Variants in BBS2 observed in about 807,000 individuals in gnomAD.
BBS2 encodes the protein BBSome complex member BBS2.
Under a neutral mutation model 83.0 loss-of-function variants are expected in BBS2, and 62 were observed. The observed-to-expected ratio is 0.75, with a 90% confidence interval of 0.61 to 0.92. BBS2 has a LOEUF of 0.92. Ranked by LOEUF, BBS2 falls within the 40% of genes least tolerant of loss-of-function variation. The pLI, the probability that BBS2 is intolerant of heterozygous loss-of-function variation, is 0.00. For missense variants in BBS2, 784 were observed against 901.0 expected (o/e 0.87, Z 1.66); for synonymous variants, 303 against 326.1 (o/e 0.93, Z 0.76).
chr16:56,499,208 C>T, intron 12 of BBS2: 1 of 174,344 alleles, frequency 5.7e-6, no homozygotes, highest in Middle Eastern at 2.9e-3. Context: ...AAAGTCCCAC[C>T]AAGAATTCCA....
At chr16:56,505,450 C>T (rs1480839702) in intron 7 of BBS2, among the ~76,000 whole-genome samples, 1 of 152,150 alleles carries the variant, frequency 6.6e-6, no homozygotes, top group Non-Finnish European at 1.5e-5. Flanking sequence ...GAAGACAATC[C>T]TGACTTGCCA....
chr16:56,492,005 C>A (rs1244031686), intron 15 of BBS2, among the ~76,000 whole-genome samples: 6 of 150,790 alleles, frequency 4.0e-5, no homozygotes, highest in African/African-American at 7.3e-5. Flanking sequence ...AATGGTGCAG[C>A]CACTATGGAA....
At chr16:56,479,779 C>A (rs1277612535), downstream of BBS2, among the ~76,000 whole-genome samples, 6 of 152,236 alleles carry the variant, frequency 3.9e-5, no homozygotes, top group African/African-American at 1.4e-4. Flanking sequence ...GGCCTGCAAC[C>A]GCTCCACCTT....
downstream of BBS2, among the ~76,000 whole-genome samples, chr16:56,481,896 T>C (rs1324339982): frequency 1.3e-5 from 2 of 152,200 alleles, no homozygotes; most frequent in African/African-American, 4.8e-5. Flanking sequence ...ACACCAGGGC[T>C]TACCCAGCTG....
At position 56,500,879 on chromosome 16, in the gene BBS2, TC is replaced by T. The variant is rs2144143132; in HGVS notation, c.1371del (p.Lys458ArgfsTer29). On this transcript the variant is annotated frameshift_variant, in exon 11 of 17. Transcript: ENST00000245157. LOFTEE classifies it high-confidence loss of function. ...PPKDVPVDLH[L>X]KAFVGYRSST... is the part of the protein sequence containing the mutation. Reference sequence around the variant, plus strand: ...CTGCTTCTGTAACCCACGAATGCCTTCAAGTGCAGATCCACAGGGACATCTT... The same window carrying T: ...CTGCTTCTGTAACCCACGAATGCCTTAAGTGCAGATCCACAGGGACATCTT... The T allele has an allele frequency of 6.2e-7, 1 of 1,614,116 alleles. No homozygotes were observed. Among genetic ancestry groups the T allele is most frequent in the Non-Finnish European group, 8.5e-7 (1 of 1,180,000 alleles).
chr16:56,482,140 C>T (rs1963672842), downstream of BBS2, among the ~76,000 whole-genome samples: 1 of 152,128 alleles, frequency 6.6e-6, no homozygotes. Flanking sequence ...TGTTATTAGA[C>T]TCCCTAAAAA....
intron 10 of BBS2, 103 bp from the exon 11 acceptor site, chr16:56,501,128 G>A (rs1168807223): frequency 3.6e-6 from 5 of 1,403,180 alleles, no homozygotes; most frequent in South Asian, 1.2e-5. Context: ...GGCTAACACG[G>A]TGAAACCCTA....
At chr16:56,509,757 G>A (rs1379193823) in intron 5 of BBS2, 200 bp downstream of exon 5, 9 of 563,656 alleles carry the variant, frequency 1.6e-5, no homozygotes, top group Non-Finnish European at 2.9e-5. Context: ...TATTTAATCA[G>A]TCTTTTCAAA....
chr16:56,519,203 C>T (rs574351540), intron 1 of BBS2, among the ~76,000 whole-genome samples: 1 of 151,748 alleles, frequency 6.6e-6, no homozygotes, highest in African/African-American at 2.4e-5. Context: ...TGGTGGCGGG[C>T]GCCTGTAATC....
chr16:56,485,942 G>A (rs1349469056), intron 15 of BBS2, among the ~76,000 whole-genome samples: 3 of 152,120 alleles, frequency 2.0e-5, no homozygotes, highest in East Asian at 3.8e-4. Context: ...CAGAAGACAA[G>A]TGGCCTTCCT....
In BBS2 at chr16:56,495,570, G is replaced by A. The variant is rs1291053573; in HGVS notation, c.1910+1397C>T. ...AAAAGTGTGGATTAAAAGATTAAAC[G>A]ATTTCCAACCAAATCCAATGTATGG... On this transcript the variant is annotated intron_variant, in intron 15 of 16. Transcript: ENST00000245157. Among the ~76,000 whole-genome samples the A allele has an allele frequency of 7.2e-5, 11 of 152,252 alleles. No homozygotes were observed. The South Asian group carries it at 1.9e-3, about 26-fold the overall frequency.
chr16:56,493,485 G>A (rs1964023284), intron 15 of BBS2, among the ~76,000 whole-genome samples: 1 of 150,618 alleles, frequency 6.6e-6, no homozygotes, highest in African/African-American at 2.4e-5. Flanking sequence ...GTATATATCT[G>A]TGTGTATCTG....
At position 56,501,971 on chromosome 16, in the gene BBS2, T is replaced by C. The variant is rs968911230; in HGVS notation, c.1080+346A>G. ...TTTTGTCACTTGGTAAGACGACAGA[T>C]ATCCTTCCATATCAGTCCAAGTATT... On this transcript the variant is annotated intron_variant, in intron 9 of 16. Transcript: ENST00000245157. 2.1e-5 allele frequency: 8 copies of C among 388,956 alleles called. No individual in the cohort carries two copies. The Admixed American group carries it at 3.1e-4, about 15-fold the overall frequency. The allele number at this position is 388,956 out of a possible 1,614,324, so 24.1% of individuals were successfully genotyped here.
At position 56,500,976 on chromosome 16, in the gene BBS2, A is replaced by T; in HGVS notation, c.1275T>A (p.Gly425=). 1 of 1,614,170 alleles carries T rather than the reference A, an allele frequency of 6.2e-7. No homozygotes were observed. ...TGCTGGGATGTACCACGTGGCTTTC[A>T]CCTGTAAAAATTCCTTCTGCAAAAA... The part of the protein sequence containing the change: ...VLIFAEGIFT[G]ESHVVHPSIH... The change falls in exon 11 of 17, where the codon GGT becomes GGA. Residue 425 remains glycine (G), a synonymous_variant. Transcript: ENST00000245157.
chr16:56,487,948 G>C (rs748215218), intron 15 of BBS2, among the ~76,000 whole-genome samples: 1 of 152,166 alleles, frequency 6.6e-6, no homozygotes, highest in Non-Finnish European at 1.5e-5. Flanking sequence ...ACTGTTTAAC[G>C]GGTACAGAGT....
At chr16:56,491,058 G>T (rs1343421525) in intron 15 of BBS2, among the ~76,000 whole-genome samples, 1 of 152,128 alleles carries the variant, frequency 6.6e-6, no homozygotes, top group Non-Finnish European at 1.5e-5. Context: ...ACCGCGCCTG[G>T]CCCATTAAAG....
chr16:56,477,208 G>C (rs1469802845), intron 17 of BBS2: 1 of 152,134 alleles, frequency 6.6e-6, no homozygotes, highest in Admixed American at 6.5e-5. Flanking sequence ...GAAAATTATG[G>C]AGCCTTACAT....
intron 11 of BBS2, 149 bp from the exon 12 acceptor site, chr16:56,500,056 A>G (rs1964220683): frequency 3.6e-6 from 3 of 831,322 alleles, no homozygotes; most frequent in Non-Finnish European, 6.0e-6. Context: ...CTTGAGGGTT[A>G]AAGTACTACA....
intron 7 of BBS2, among the ~76,000 whole-genome samples, chr16:56,504,663 A>G (rs984966891): frequency 1.3e-5 from 2 of 152,334 alleles, no homozygotes; most frequent in Admixed American, 1.3e-4. Flanking sequence ...TTAAAATTTC[A>G]AAAGCATTTA....
Sources: gnomAD v4.1 joint callset for allele counts (sites outside exome capture counted in the v4.1 genomes callset) on GRCh38, gnomAD v4.1.1 for gene constraint, MANE v1.5 for transcripts, NCBI Gene and HGNC (gene_info 2026-07-23, HGNC 2026-07-21) for gene names.